The following SLC4A8 variants were observed in gnomAD, a reference collection of about 807,000 sequenced individuals.
The protein encoded by SLC4A8 is electroneutral sodium bicarbonate exchanger 1.
A neutral mutation model predicts 125.0 loss-of-function variants in SLC4A8; 40 were observed. That is an observed-to-expected ratio of 0.32 (90% CI 0.25 to 0.42). The LOEUF is 0.42. Among genes scored for constraint, SLC4A8 ranks in the 10% least tolerant of loss-of-function variants. The probability of loss-of-function intolerance (pLI) is 1.00; values close to 1 mark genes in which losing one functional copy is unlikely to be tolerated. For synonymous variants in SLC4A8, 456 were observed against 476.0 expected, an observed-to-expected ratio of 0.96 and a Z score of 0.55; for missense variants, 863 against 1,355.1, an observed-to-expected ratio of 0.64 and a Z score of 5.70.
chr12:51,473,813 G>C (rs1157476106), intron 14 of SLC4A8, among the ~76,000 whole-genome samples: 3 of 152,090 alleles, frequency 2.0e-5, no homozygotes, highest in African/African-American at 7.2e-5. Context: ...AAGGTAGTGG[G>C]GTATTACCAA....
At chr12:51,393,091 C>CTTTCTCTTTCTTTCCTTCTT (rs1948186036) in intron 1 of SLC4A8, among the ~76,000 whole-genome samples, 1 of 150,156 alleles carries the variant, frequency 6.7e-6, no homozygotes, top group Non-Finnish European at 1.5e-5. Context: ...CTCTTTCCTT[C>CTTTCTCTTTCTTTCCTTCTT]TTTCTCTTTC....
chr12:51,466,358 A>T (rs1297380990), intron 11 of SLC4A8: 1 of 152,160 alleles, frequency 6.6e-6, no homozygotes, highest in Non-Finnish European at 1.5e-5. Context: ...TAATGGAAAA[A>T]AGAATCAGGA....
chr12:51,500,654 CTG>C (rs1937821296), intron 22 of SLC4A8, among the ~76,000 whole-genome samples: 1 of 151,482 alleles, frequency 6.6e-6, no homozygotes, highest in Non-Finnish European at 1.5e-5. Flanking sequence ...AGTTTTTTCT[CTG>C]TAATTATTTT....
Position 51,453,687 on chromosome 12 carries a change from G to A in SLC4A8, c.562G>A (p.Glu188Lys). The A allele has an allele frequency of 6.2e-7, 1 of 1,612,670 alleles. No homozygotes were observed. The highest frequency in any genetic ancestry group is 8.5e-7 in the Non-Finnish European group (1 of 1,179,190). The change falls in exon 5 of 25, where the codon GAA (glutamate) becomes AAA (lysine). Residue 188 changes from glutamate to lysine, a missense_variant. Physicochemically the swap from Glu to Lys is moderately conservative, Grantham distance 56. Coordinates refer to ENST00000453097, the MANE Select transcript of SLC4A8 (RefSeq NM_001039960.3). ...VLLDMHANSI[E>K]EISDLILDQQ... ...CCTGGATATGCATGCAAATAGCATA[G>A]AAGAAATTTCAGGTAAGGTTGGGGA...
rs1948683296 is a variant in SLC4A8 at position 51,416,211 on chromosome 12, G to GTTGT, written c.-111-24495_-111-24494insGTTT. Among the ~76,000 whole-genome samples, 11 of 82,528 alleles carry GTTGT rather than the reference G, an allele frequency of 1.3e-4. No homozygotes were observed. The South Asian group carries it at 4.7e-3, about 36-fold the overall frequency. The allele number at this position is 82,528 out of a possible 152,430, so 54.1% of individuals were successfully genotyped here. A position where few individuals can be genotyped will look rare whatever the true frequency, so the allele number is the denominator to read the frequency against. On this transcript the variant is annotated intron_variant, in intron 1 of 24. Transcript: ENST00000358657. Reference sequence around the variant, plus strand: ...TTTGCCTGTTTGATGGAGGTCTTTTGTTTTTTTTTTTTTTTTTTTTTGAGA... The same window carrying GTTGT: ...TTTGCCTGTTTGATGGAGGTCTTTTGTTGTTTTTTTTTTTTTTTTTTTTTTGAGA...
chr12:51,485,848 A>AT lies in SLC4A8; in HGVS notation c.2240dup (p.Leu747PhefsTer21). The AT allele has an allele frequency of 6.2e-7, 1 of 1,613,684 alleles. No homozygotes were observed. Among genetic ancestry groups the AT allele is most frequent in the Non-Finnish European group, 8.5e-7 (1 of 1,179,670 alleles). On this transcript the variant is annotated frameshift_variant, in exon 17 of 25. Transcript: ENST00000453097. LOFTEE classifies it high-confidence loss of function. Reference sequence around the variant, plus strand: ...ACTATCTTCACAATGGTGATTATTGATTTTTTGATTGGAGTCCCATCACCA... The same window carrying AT: ...ACTATCTTCACAATGGTGATTATTGATTTTTTTGATTGGAGTCCCATCACCA...
chr12:51,461,365 G>A, intron 9 of SLC4A8, 74 bp downstream of exon 9: 1 of 876,110 alleles, frequency 1.1e-6, no homozygotes, highest in South Asian at 1.4e-5. Flanking sequence ...CAGGCAATAT[G>A]CTAGTTATTG....
At chr12:51,505,625 G>A (rs1938134918) in intron 23 of SLC4A8, among the ~76,000 whole-genome samples, 1 of 152,204 alleles carries the variant, frequency 6.6e-6, no homozygotes, top group Non-Finnish European at 1.5e-5. Flanking sequence ...CCAGCTTTCA[G>A]CACCACCTCA....
At chr12:51,470,272 A>G in intron 12 of SLC4A8, 120 bp from the exon 13 acceptor site, 2 of 845,684 alleles carry the variant, frequency 2.4e-6, no homozygotes, top group South Asian at 3.3e-5. Flanking sequence ...TCTTGCTAAG[A>G]TGAAATACAA....
rs1232069662 is a variant in SLC4A8 at position 51,495,018 on chromosome 12, C to T, written c.2843C>T (p.Pro948Leu). The change falls in exon 21 of 25, where the codon CCG (proline) becomes CTG (leucine). Residue 948 changes from proline to leucine, a missense_variant. Around this residue, in one of 6 missense-constraint regions of SLC4A8, gnomAD observed 197 missense variants for 377.7 expected, o/e 0.52. Transcript: ENST00000453097. ...GATTTCATCTACCTGCGGCATGTGC[C>T]GCTGCGCAAAGTGCACCTCTTCACC... ...QPDFIYLRHV[P>L]LRKVHLFTLI... 1.9e-6 allele frequency: 3 copies of T among 1,614,064 alleles called. No individual in the cohort carries two copies. Among genetic ancestry groups the T allele is most frequent in the Non-Finnish European group, 2.5e-6 (3 of 1,179,996 alleles).
At chr12:51,471,605 G>T in intron 14 of SLC4A8, 73 bp downstream of exon 14, 1 of 1,515,742 alleles carries the variant, frequency 6.6e-7, no homozygotes, top group East Asian at 2.3e-5. Flanking sequence ...TAGAGTGCTA[G>T]GCAGTGCTTA....
intron 2 of SLC4A8, among the ~76,000 whole-genome samples, chr12:51,446,111 A>G (rs1949766929): frequency 6.6e-6 from 1 of 152,224 alleles, no homozygotes; most frequent in Non-Finnish European, 1.5e-5. Context: ...TATACTGATA[A>G]TGTCAGGGTC....
intron 1 of SLC4A8, among the ~76,000 whole-genome samples, chr12:51,396,925 ATTTTT>A (rs753146267): frequency 7.5e-5 from 8 of 106,310 alleles, no homozygotes; most frequent in South Asian, 3.0e-4. Flanking sequence ...GCCTTAGTTA[ATTTTT>A]TTTTTTTTTT....
chr12:51,398,552 A>G (rs1948310819), intron 1 of SLC4A8, among the ~76,000 whole-genome samples: 1 of 152,152 alleles, frequency 6.6e-6, no homozygotes, highest in South Asian at 2.1e-4. Flanking sequence ...ATGATTTCTT[A>G]TTTAATATCT....
At chr12:51,456,411 T>C (rs1950150901) in intron 5 of SLC4A8, among the ~76,000 whole-genome samples, 1 of 152,176 alleles carries the variant, frequency 6.6e-6, no homozygotes, top group Admixed American at 6.5e-5. Flanking sequence ...TAGGTTCAGA[T>C]TTTTGGGAGG....
At chr12:51,451,550 T>C (rs1320970453) in intron 3 of SLC4A8, among the ~76,000 whole-genome samples, 1 of 152,222 alleles carries the variant, frequency 6.6e-6, no homozygotes, top group Non-Finnish European at 1.5e-5. Flanking sequence ...TTATATATTT[T>C]TGTTTGAACA....
chr12:51,445,266 G>A (rs890052966), intron 2 of SLC4A8, among the ~76,000 whole-genome samples: 1 of 152,110 alleles, frequency 6.6e-6, no homozygotes, highest in South Asian at 2.1e-4. Context: ...CACCTCCTGG[G>A]CTCAAGTGAC....
rs1938343559 is a variant in SLC4A8, at chr12:51,510,861, G to A, written c.*3423G>A. 1 of 152,252 alleles carries A rather than the reference G, an allele frequency of 6.6e-6. No individual in the cohort carries two copies. Among genetic ancestry groups the A allele is most frequent in the South Asian group, 2.1e-4 (1 of 4,828 alleles). The allele number at this position is 152,252 out of a possible 1,614,324, so 9.4% of individuals were successfully genotyped here. On this transcript the variant is annotated 3_prime_UTR_variant, in exon 25 of 25. Transcript: ENST00000453097. ...GTGGTGATTTCCTGTCATCCTCGTG[G>A]TCTGACATTGCTTCTCACTGGATAC...
intron 8 of SLC4A8, among the ~76,000 whole-genome samples, chr12:51,460,367 G>A (rs1330916609): frequency 6.9e-6 from 1 of 145,266 alleles, no homozygotes; most frequent in East Asian, 2.0e-4. Context: ...GCACCCCAGT[G>A]TGGGTGACAG....
Sources: gnomAD v4.1 joint callset for allele counts (sites outside exome capture counted in the v4.1 genomes callset) on GRCh38, gnomAD v4.1.1 for gene constraint, gnomAD v4.1.1 regional missense constraint, MANE v1.5 for transcripts, NCBI Gene and HGNC (gene_info 2026-07-23, HGNC 2026-07-21) for gene names.